FHIT: variants seen among roughly 807,000 people sequenced by gnomAD.
The protein encoded by FHIT is bis(5'-adenosyl)-triphosphatase.
FHIT carries 19 observed loss-of-function variants against 17.9 expected under a neutral mutation model. That is an observed-to-expected ratio of 1.06 (90% CI 0.74 to 1.56). The LOEUF is 1.56. FHIT is among the 40% of genes most tolerant of loss of function. The pLI is 0.00. For synonymous variants in FHIT, 81 were observed against 69.7 expected (o/e 1.16, Z -0.81); for missense variants, 248 against 189.2 (o/e 1.31, Z -1.82).
intron 8 of FHIT, among the ~76,000 whole-genome samples, chr3:59,894,261 A>G (rs1412610832): frequency 6.6e-6 from 1 of 152,168 alleles, no homozygotes; most frequent in Non-Finnish European, 1.5e-5. Flanking sequence ...CAAACAAACA[A>G]AATGATCATA....
At chr3:59,882,160 C>A (rs1386481646) in intron 8 of FHIT, among the ~76,000 whole-genome samples, 5 of 152,046 alleles carry the variant, frequency 3.3e-5, no homozygotes, top group African/African-American at 1.2e-4. Context: ...GAAATGCCTG[C>A]ATTCAGTATA....
intron 4 of FHIT, among the ~76,000 whole-genome samples, chr3:60,683,114 C>A (rs1436083673): frequency 6.6e-6 from 1 of 152,088 alleles, no homozygotes; most frequent in African/African-American, 2.4e-5. Flanking sequence ...TACGGGTAAG[C>A]AAAGAAAAGG....
intron 4 of FHIT, among the ~76,000 whole-genome samples, chr3:60,703,822 G>A (rs2041304242): frequency 6.6e-6 from 1 of 151,888 alleles, no homozygotes; most frequent in Admixed American, 6.6e-5. Flanking sequence ...TCTGGGCCTG[G>A]TGCCTTTTTT....
intron 8 of FHIT, among the ~76,000 whole-genome samples, chr3:59,891,599 C>T (rs187089874): frequency 6.6e-6 from 1 of 152,318 alleles, no homozygotes; most frequent in East Asian, 1.9e-4. Context: ...ACCAGGAAGC[C>T]ACTGTGCCTA....
intron 5 of FHIT, among the ~76,000 whole-genome samples, chr3:60,091,207 T>G (rs891161835): frequency 1.3e-5 from 2 of 152,148 alleles, no homozygotes; most frequent in Admixed American, 1.3e-4. Context: ...ACAGTTTTAT[T>G]CTTAAGAGCT....
At chr3:60,317,444 C>A (rs771790086) in intron 5 of FHIT, among the ~76,000 whole-genome samples, 12 of 151,602 alleles carry the variant, frequency 7.9e-5, no homozygotes, top group Non-Finnish European at 1.3e-4. Flanking sequence ...TTACTATTCA[C>A]CCCCAGATCT....
At chr3:59,827,044 C>G (rs1701002674) in intron 8 of FHIT, among the ~76,000 whole-genome samples, 1 of 152,166 alleles carries the variant, frequency 6.6e-6, no homozygotes, top group South Asian at 2.1e-4. Flanking sequence ...CCTTCTATGT[C>G]AGTCATTAAC....
At position 59,848,409 on chromosome 3, in the gene FHIT, T is replaced by A. The variant is rs1701802348; in HGVS notation, c.348+73937A>T. ...CCCATCAATTATATTTTAATATACC[T>A]ATGTTTATAGGGAAAGAATGCCAAA... On this transcript the variant is annotated intron_variant, in intron 8 of 9. Transcript: ENST00000492590. 2.0e-5 allele frequency among the ~76,000 whole-genome samples: 3 copies of A among 152,258 alleles called. No homozygotes were observed. In the South Asian group the frequency reaches 6.2e-4, roughly 32 times the overall value.
intron 2 of FHIT, among the ~76,000 whole-genome samples, chr3:61,098,604 G>A (rs1019455905): frequency 6.6e-6 from 1 of 152,110 alleles, no homozygotes; most frequent in Admixed American, 6.5e-5. Context: ...TTTTCCATTT[G>A]TCTGTGTCAT....
intron 8 of FHIT, among the ~76,000 whole-genome samples, chr3:59,886,008 C>T (rs936284162): frequency 1.3e-5 from 2 of 152,190 alleles, no homozygotes; most frequent in African/African-American, 4.8e-5. Context: ...AGGCAAAAGA[C>T]ACATTTGGGG....
intron 5 of FHIT, among the ~76,000 whole-genome samples, chr3:60,133,535 G>T (rs1576174182): frequency 6.6e-6 from 1 of 152,070 alleles, no homozygotes. Context: ...ATCACACAGG[G>T]AGAAGTGTGG....
chr3:60,450,855 C>G (rs1003608767), intron 5 of FHIT, among the ~76,000 whole-genome samples: 4 of 152,132 alleles, frequency 2.6e-5, no homozygotes, highest in Admixed American at 1.3e-4. Context: ...GAATTAGGTA[C>G]TAGTGACTTC....
At chr3:60,029,136 T>C (rs993336057) in intron 5 of FHIT, among the ~76,000 whole-genome samples, 1 of 152,224 alleles carries the variant, frequency 6.6e-6, no homozygotes, top group African/African-American at 2.4e-5. Flanking sequence ...TTTACTTCTT[T>C]CATTATATTT....
At position 61,189,376 on chromosome 3, in the gene FHIT, G is replaced by T. The variant is rs993958121; in HGVS notation, c.-164+11241C>A. Reference sequence around the variant, plus strand: ...AAATACCTAGGAATCCAACTTACAAGAGATGGGAAGGACCTCTTGAAGGAG... The same window carrying T: ...AAATACCTAGGAATCCAACTTACAATAGATGGGAAGGACCTCTTGAAGGAG... On this transcript the variant is annotated intron_variant, in intron 2 of 9. Coordinates refer to ENST00000492590, the MANE Select transcript of FHIT (RefSeq NM_002012.4). Among the ~76,000 whole-genome samples the T allele has an allele frequency of 3.3e-5, 5 of 152,080 alleles. No individual in the cohort carries two copies. In the East Asian group the frequency reaches 9.6e-4, roughly 29 times the overall value.
At chr3:60,313,754 A>C (rs1709048647) in intron 5 of FHIT, among the ~76,000 whole-genome samples, 1 of 152,202 alleles carries the variant, frequency 6.6e-6, no homozygotes, top group Admixed American at 6.5e-5. Flanking sequence ...TTAAAAAAGA[A>C]AATCTGAGAG....
intron 8 of FHIT, among the ~76,000 whole-genome samples, chr3:59,860,831 T>A (rs796430264): frequency 1.2e-4 from 19 of 152,300 alleles, no homozygotes; most frequent in African/African-American, 3.8e-4. Context: ...AAGCTCCTTC[T>A]CTGAACCAGA....
intron 8 of FHIT, among the ~76,000 whole-genome samples, chr3:59,777,236 C>T (rs1702369538): frequency 6.6e-6 from 1 of 152,180 alleles, no homozygotes; most frequent in Admixed American, 6.5e-5. Context: ...AAGGCCATGG[C>T]TTTAAATACT....
At chr3:59,972,722 C>T (rs901480032) in intron 7 of FHIT, among the ~76,000 whole-genome samples, 3 of 152,100 alleles carry the variant, frequency 2.0e-5, no homozygotes, top group Admixed American at 1.3e-4. Flanking sequence ...GTGGCTTATA[C>T]CCTAGTTTAG....
In FHIT at chr3:60,114,061, AT is replaced by A. The variant is rs1310575903; in HGVS notation, c.104-99910del. On this transcript the variant is annotated intron_variant, in intron 5 of 9. Coordinates refer to ENST00000492590, the MANE Select transcript of FHIT (RefSeq NM_002012.4). Reference sequence around the variant, plus strand: ...AATATATATATATATATATATATATATATATATATATAATGTTATATGTATC... The same window carrying A: ...AATATATATATATATATATATATATAATATATATATAATGTTATATGTATC... 5.4e-3 allele frequency among the ~76,000 whole-genome samples: 555 copies of A among 102,822 alleles called. 13 individuals are homozygous for A. Among genetic ancestry groups the A allele is most frequent in the Non-Finnish European group, 8.1e-3 (413 of 50,894 alleles). 67.5% of individuals were successfully genotyped at this position (102,822 alleles called of 152,430 possible). A position where few individuals can be genotyped will look rare whatever the true frequency, so the allele number is the denominator to read the frequency against.
Sources: allele counts gnomAD v4.1 joint callset (sites outside exome capture counted in the v4.1 genomes callset), GRCh38; gene constraint gnomAD v4.1.1; transcripts MANE v1.5; gene names NCBI Gene and HGNC (gene_info 2026-07-23, HGNC 2026-07-21).